PRKAR1A: variants seen among roughly 807,000 people sequenced by gnomAD.
The protein encoded by PRKAR1A is cAMP-dependent protein kinase type I-alpha regulatory subunit.
A neutral mutation model predicts 52.0 loss-of-function variants in PRKAR1A; 3 were observed. The observed-to-expected ratio is 0.06, with a 90% CI of 0.03 to 0.15. The LOEUF is 0.15. Ranked by LOEUF, PRKAR1A falls within the 10% of genes least tolerant of loss-of-function variation. The probability of loss-of-function intolerance (pLI) is 1.00; values close to 1 mark genes in which losing one functional copy is unlikely to be tolerated. For missense variants in PRKAR1A, 240 were observed against 477.4 expected, an observed-to-expected ratio of 0.50 and a Z score of 4.63; for synonymous variants, 188 against 168.4, an observed-to-expected ratio of 1.12 and a Z score of -0.90.
At chr17:68,525,438 T>C (rs2085758895) in intron 6 of PRKAR1A, among the ~76,000 whole-genome samples, 1 of 152,194 alleles carries the variant, frequency 6.6e-6, no homozygotes, top group Non-Finnish European at 1.5e-5. Flanking sequence ...GCAAGTAAAA[T>C]GTTTAGCATA....
At chr17:68,461,646 A>T in the PRKAR1A span, among the ~76,000 whole-genome samples, 4 of 152,206 alleles carry the variant, frequency 2.6e-5, no homozygotes, top group African/African-American at 9.6e-5. The surrounding 1 kb of genome is among the most constrained non-coding windows in gnomAD (Gnocchi z 4.6). Flanking sequence ...ATGGGGCAAC[A>T]CTCAGAACAT....
chr17:68,520,021 G>C (rs1450366175), intron 2 of PRKAR1A, among the ~76,000 whole-genome samples: 1 of 152,230 alleles, frequency 6.6e-6, no homozygotes, highest in Non-Finnish European at 1.5e-5. Context: ...CAACAGACCA[G>C]TCATGTGCAG....
chr17:68,543,504 CGAA>C (rs1255566575), intron 11 of PRKAR1A: 9 of 827,706 alleles, frequency 1.1e-5, no homozygotes, highest in African/African-American at 1.7e-5. Context: ...CGATGAGGCA[CGAA>C]GAAGATAGAA....
At chr17:68,415,211 G>C in the PRKAR1A span, among the ~76,000 whole-genome samples, 3 of 152,120 alleles carry the variant, frequency 2.0e-5, no homozygotes, top group Admixed American at 6.5e-5. Flanking sequence ...CAGAGGTTTT[G>C]ATAGGTTGTG....
At chr17:68,516,540 G>T (rs1600464795) in intron 2 of PRKAR1A, among the ~76,000 whole-genome samples, 1 of 152,004 alleles carries the variant, frequency 6.6e-6, no homozygotes, top group East Asian at 1.9e-4. Context: ...TTATCTAATT[G>T]TATAATAGAA....
At chr17:68,480,523 A>T in the PRKAR1A span, among the ~76,000 whole-genome samples, 1 of 152,136 alleles carries the variant, frequency 6.6e-6, no homozygotes, top group Non-Finnish European at 1.5e-5. Context: ...GGGGAAAACT[A>T]TTTTACCCAG....
At chr17:68,419,615 T>G in the PRKAR1A span, among the ~76,000 whole-genome samples, 1 of 152,132 alleles carries the variant, frequency 6.6e-6, no homozygotes, top group South Asian at 2.1e-4. Context: ...TCAATAAAGA[T>G]ACTTGAATGA....
the PRKAR1A span, among the ~76,000 whole-genome samples, chr17:68,477,613 T>A: frequency 6.6e-6 from 1 of 152,174 alleles, no homozygotes; most frequent in African/African-American, 2.4e-5. Context: ...TGCTTTCTGG[T>A]TTTCTACGCA....
At chr17:68,481,313 G>A in the PRKAR1A span, among the ~76,000 whole-genome samples, 1 of 152,124 alleles carries the variant, frequency 6.6e-6, no homozygotes, top group Non-Finnish European at 1.5e-5. Context: ...CATTTATTGG[G>A]CACTTTATTT....
chr17:68,506,520 A>G, the PRKAR1A span, among the ~76,000 whole-genome samples: 1 of 148,802 alleles, frequency 6.7e-6, no homozygotes, highest in African/African-American at 2.5e-5. Flanking sequence ...GTGTCGCTCT[A>G]TCACCCAGGC....
rs147865927 is a variant in PRKAR1A, at chr17:68,532,999, A to G, written c.*2550A>G. 5.3e-5 allele frequency: 57 copies of G among 1,065,952 alleles called. No individual in the cohort carries two copies. In the African/African-American group the frequency reaches 8.0e-4, roughly 15 times the overall value. The allele number at this position is 1,065,952 out of a possible 1,614,324, so 66.0% of individuals were successfully genotyped here. A position where few individuals can be genotyped will look rare whatever the true frequency, so the allele number is the denominator to read the frequency against. On this transcript the variant is annotated 3_prime_UTR_variant, in exon 11 of 11. Transcript: ENST00000589228. ...CAGATTTATTTACTTAGTCATGGAA[A>G]GAAAAAAATTCAGTCAAAAGCTAAA...
chr17:68,484,853 TG>T, the PRKAR1A span, among the ~76,000 whole-genome samples: 1 of 152,210 alleles, frequency 6.6e-6, no homozygotes, highest in Non-Finnish European at 1.5e-5. Context: ...TCCCTAAATT[TG>T]TCATGAAAAT....
chr17:68,444,436 G>C, the PRKAR1A span: 3 of 1,507,458 alleles, frequency 2.0e-6, no homozygotes, highest in Non-Finnish European at 2.7e-6. Flanking sequence ...TAAAGCTTGG[G>C]AAAGAAGCAC....
At chr17:68,525,178 T>C (rs1481136947) in intron 6 of PRKAR1A, among the ~76,000 whole-genome samples, 2 of 151,680 alleles carry the variant, frequency 1.3e-5, no homozygotes, top group Admixed American at 6.6e-5. Flanking sequence ...TGTGTGTAGC[T>C]GGGTGCAGTG....
intron 11 of PRKAR1A, among the ~76,000 whole-genome samples, chr17:68,548,723 ATATTTT>A (rs1283493790): frequency 8.5e-6 from 1 of 117,944 alleles, no homozygotes; most frequent in Non-Finnish European, 1.7e-5. Context: ...CTATGCCTGT[ATATTTT>A]TTTTTTTTTT....
the PRKAR1A span, among the ~76,000 whole-genome samples, chr17:68,417,820 T>C: frequency 1.5e-5 from 2 of 129,956 alleles, no homozygotes; most frequent in Non-Finnish European, 3.1e-5. Flanking sequence ...CGATCTCGGC[T>C]CCCAGGTTCA....
At position 68,522,784 on chromosome 17, in the gene PRKAR1A, A is replaced by G. The variant is rs920361727; in HGVS notation, c.206A>G (p.Gln69Arg). The part of the protein sequence containing the change: ...KEEAKQIQNL[Q>R]KAGTRTDSRE... The stretch of plus-strand genomic sequence containing the variant: ...GAGGCAAAACAGATTCAGAATCTGC[A>G]GAAAGCAGGCACTCGTACAGACTCA... The change falls in exon 3 of 11, where the codon CAG (glutamine) becomes CGG (arginine). Residue 69 changes from glutamine to arginine, a missense_variant. Gln to Arg is a conservative substitution (Grantham distance 43). Coordinates refer to ENST00000589228, the MANE Select transcript of PRKAR1A (RefSeq NM_002734.5). 3.1e-6 allele frequency: 5 copies of G among 1,614,036 alleles called. No homozygotes were observed. Among genetic ancestry groups the G allele is most frequent in the African/African-American group, 1.3e-5 (1 of 74,922 alleles).
the PRKAR1A span, chr17:68,434,711 G>A: frequency 1.4e-6 from 2 of 1,380,774 alleles, no homozygotes; most frequent in African/African-American, 2.9e-5. Context: ...TGTTTTATTG[G>A]TTTTGAACAT....
At chr17:68,549,833 A>G (rs911277956) in intron 11 of PRKAR1A, among the ~76,000 whole-genome samples, 2 of 152,142 alleles carry the variant, frequency 1.3e-5, no homozygotes, top group South Asian at 2.1e-4. Context: ...TGCCATGTGT[A>G]TTTGCTGTTA....
Sources: gnomAD v4.1 joint callset for allele counts (sites outside exome capture counted in the v4.1 genomes callset) on GRCh38, gnomAD v4.1.1 for gene constraint, Gnocchi (gnomAD v3.1) non-coding constraint, MANE v1.5 for transcripts, NCBI Gene and HGNC (gene_info 2026-07-23, HGNC 2026-07-21) for gene names.